The following CRIPT variants were observed in gnomAD, a reference collection of about 807,000 sequenced individuals.
CRIPT encodes the protein cysteine-rich PDZ-binding protein.
A neutral mutation model predicts 16.6 loss-of-function variants in CRIPT; 20 were observed. The ratio of observed to expected loss-of-function variants is 1.20; its 90% CI spans 0.85 to 1.75. CRIPT has a LOEUF of 1.75. Among genes scored for constraint, CRIPT ranks in the 40% most tolerant of loss-of-function variants. CRIPT has a pLI of 0.00. For synonymous variants in CRIPT, 42 were observed against 37.0 expected (o/e 1.14, Z -0.49); for missense variants, 133 against 115.3 (o/e 1.15, Z -0.70).
intron 3 of CRIPT, among the ~76,000 whole-genome samples, chr2:46,620,274 C>A (rs1415475043): frequency 6.6e-6 from 1 of 152,004 alleles, no homozygotes; most frequent in Admixed American, 6.6e-5. Flanking sequence ...CATGTGAAAC[C>A]CTGTCCTACA....
chr2:46,625,088 TTG>T lies in CRIPT; in HGVS notation c.*862_*863del. 6.7e-6 allele frequency: 1 copy of T among 150,062 alleles called. No individual in the cohort carries two copies. The highest frequency in any genetic ancestry group is 2.5e-5 in the African/African-American group (1 of 40,636). 9.3% of individuals were successfully genotyped at this position (150,062 alleles called of 1,614,324 possible). ...ATTTGTTTGTTTTTTTTTTTTTTTTTTGGATACAAGAGCTCACTCTGTTGCCC... is the reference window on the plus strand; with the variant it reads ...ATTTGTTTGTTTTTTTTTTTTTTTTTGATACAAGAGCTCACTCTGTTGCCC... On this transcript the variant is annotated 3_prime_UTR_variant, in exon 5 of 5. Coordinates refer to ENST00000238892, the MANE Select transcript of CRIPT (RefSeq NM_014171.6).
intron 1 of CRIPT, among the ~76,000 whole-genome samples, 162 bp downstream of exon 1, chr2:46,617,460 G>A (rs955549795): frequency 2.6e-5 from 4 of 151,996 alleles, no homozygotes; most frequent in Admixed American, 1.3e-4. Flanking sequence ...ACCTCCCAAC[G>A]ACCATACAGT....
chr2:46,622,371 A>C (rs1471882525), intron 3 of CRIPT, among the ~76,000 whole-genome samples: 2 of 138,646 alleles, frequency 1.4e-5, no homozygotes, highest in Non-Finnish European at 3.3e-5. Flanking sequence ...CTCCGTCTCA[A>C]AAAAAAAAAA....
rs963244778 is a variant in CRIPT, at chr2:46,628,397, A to C, written c.*4170A>C. ...AGTGCTGGGATTACAGGCGTGAGCC[A>C]CTGGACCCGGCAGGATTTTTCTAAT... On this transcript the variant is annotated 3_prime_UTR_variant, in exon 5 of 5. Coordinates refer to ENST00000238892, the MANE Select transcript of CRIPT (RefSeq NM_014171.6). 6.6e-6 allele frequency among the ~76,000 whole-genome samples: 1 copy of C among 152,234 alleles called. No homozygotes were observed. Among genetic ancestry groups the C allele is most frequent in the Non-Finnish European group, 1.5e-5 (1 of 68,044 alleles).
rs1670967463 is a variant in CRIPT, at chr2:46,627,475, C to CCA, written c.*3248_*3249insCA. Among the ~76,000 whole-genome samples the CCA allele has an allele frequency of 6.6e-6, 1 of 150,618 alleles. No homozygotes were observed. Among genetic ancestry groups the CCA allele is most frequent in the East Asian group, 1.9e-4 (1 of 5,154 alleles). On this transcript the variant is annotated 3_prime_UTR_variant, in exon 5 of 5. Coordinates refer to ENST00000238892, the MANE Select transcript of CRIPT (RefSeq NM_014171.6). ...TTTTTTTCCCCAAAGACAGAGTCTC[C>CCA]TTCTGTTGCCCAGGCTGGAGTACAG... is the stretch of plus-strand genomic sequence containing the variant.
Position 46,623,867 on chromosome 2 carries a change from G to A in CRIPT, c.241G>A (p.Gly81Ser). The A allele has an allele frequency of 6.3e-7, 1 of 1,590,858 alleles. No homozygotes were observed. The highest frequency in any genetic ancestry group is 8.6e-7 in the Non-Finnish European group (1 of 1,167,640). The change falls in exon 4 of 5, where the codon GGC (glycine) becomes AGC (serine). Residue 81 changes from glycine (G) to serine (S), a missense_variant and splice_region_variant. Coordinates refer to ENST00000238892, the MANE Select transcript of CRIPT (RefSeq NM_014171.6). ...CTGCCAGGGCTGTGCCTACAAAAAA[G>A]GTAAGTTTCTTTTAATACCGTTTTC... ...HYCQGCAYKK[G>S]ICAMCGKKVL...
intron 2 of CRIPT, 90 bp from the exon 3 acceptor site, chr2:46,619,536 AT>A (rs1320336268): frequency 1.3e-5 from 10 of 786,978 alleles, no homozygotes; most frequent in Non-Finnish European, 2.0e-5. Context: ...ATAGACTACT[AT>A]TTTGGTAGAA....
intron 3 of CRIPT, among the ~76,000 whole-genome samples, chr2:46,620,487 A>T (rs1021769975): frequency 1.3e-5 from 2 of 151,794 alleles, no homozygotes; most frequent in Non-Finnish European, 2.9e-5. Context: ...CTGCCATCTG[A>T]TTTCTTTGCT....
rs1671004809 is a variant in CRIPT, at chr2:46,628,783, C to G, written c.*4556C>G. On this transcript the variant is annotated 3_prime_UTR_variant, in exon 5 of 5. Coordinates refer to ENST00000238892, the MANE Select transcript of CRIPT (RefSeq NM_014171.6). ...TATTTACTAGATGAGGAGGAAAACC[C>G]TAAAACAAAACATGAACATAAAATA... Among the ~76,000 whole-genome samples, 1 of 151,664 alleles carries G rather than the reference C, an allele frequency of 6.6e-6. No individual in the cohort carries two copies. The highest frequency in any genetic ancestry group is 6.6e-5 in the Admixed American group (1 of 15,238).
At chr2:46,624,025 T>TTA (rs143495119) in intron 4 of CRIPT, 138 bp from the exon 5 acceptor site, 347 of 400,220 alleles carry the variant, frequency 8.7e-4, no homozygotes, top group Middle Eastern at 2.3e-3. Context: ...ATAATTAAAA[T>TTA]TATATATATA....
rs910264013 is a variant in CRIPT, at chr2:46,629,832, T to C, written c.*5605T>C. Among the ~76,000 whole-genome samples the C allele has an allele frequency of 3.3e-5, 5 of 152,252 alleles. No individual in the cohort carries two copies. Among genetic ancestry groups the C allele is most frequent in the Admixed American group, 6.5e-5 (1 of 15,290 alleles). Reference sequence around the variant, plus strand: ...TGTGAGGAGAAACTTTGAGACCTTGTTGACAATTCTGTTCCTCATCAAATC... The same window carrying C: ...TGTGAGGAGAAACTTTGAGACCTTGCTGACAATTCTGTTCCTCATCAAATC... On this transcript the variant is annotated 3_prime_UTR_variant, in exon 5 of 5. Transcript: ENST00000238892.
intron 4 of CRIPT, 122 bp from the exon 5 acceptor site, chr2:46,624,041 A>ATT (rs11333819): frequency 2.1e-5 from 8 of 374,806 alleles, no homozygotes; most frequent in South Asian, 1.2e-4. Flanking sequence ...ATATATATAT[A>ATT]TTTTTTTTTT....
In CRIPT at chr2:46,629,234, G is replaced by C. The variant is rs888936836; in HGVS notation, c.*5007G>C. On this transcript the variant is annotated 3_prime_UTR_variant, in exon 5 of 5. Transcript: ENST00000238892. Reference sequence around the variant, plus strand: ...GCCTTCGAATACCTTTTAACTCCCAGTTCCCTTAACTGGGGGTGTGTATCC... The same window carrying C: ...GCCTTCGAATACCTTTTAACTCCCACTTCCCTTAACTGGGGGTGTGTATCC... Among the ~76,000 whole-genome samples the C allele has an allele frequency of 6.6e-6, 1 of 152,110 alleles. No homozygotes were observed. The highest frequency in any genetic ancestry group is 1.5e-5 in the Non-Finnish European group (1 of 68,024).
Position 46,625,734 on chromosome 2 carries a change from C to G in CRIPT, c.*1507C>G, listed in dbSNP as rs1670923445. ...ATACAGAATATAATAAATAATTTATCTGAGAGCAGGAAGTATCCTCTCATG... is the reference window on the plus strand; with the variant it reads ...ATACAGAATATAATAAATAATTTATGTGAGAGCAGGAAGTATCCTCTCATG... On this transcript the variant is annotated 3_prime_UTR_variant, in exon 5 of 5. Transcript: ENST00000238892. 6.6e-6 allele frequency: 1 copy of G among 152,010 alleles called. No homozygotes were observed. The highest frequency in any genetic ancestry group is 2.1e-4 in the South Asian group (1 of 4,818). 9.4% of individuals were successfully genotyped at this position (152,010 alleles called of 1,614,324 possible). A position where few individuals can be genotyped will look rare whatever the true frequency, so the allele number is the denominator to read the frequency against.
In CRIPT at chr2:46,626,424, C is replaced by A. The variant is rs1380567868; in HGVS notation, c.*2197C>A. Among the ~76,000 whole-genome samples, 1 of 152,118 alleles carries A rather than the reference C, an allele frequency of 6.6e-6. No individual in the cohort carries two copies. Among genetic ancestry groups the A allele is most frequent in the Admixed American group, 6.6e-5 (1 of 15,250 alleles). ...GAGTGTATGTGTCTTTTTGGTAGAACAATTTATTTTCATTTGGATTTATAT... is the reference window on the plus strand; with the variant it reads ...GAGTGTATGTGTCTTTTTGGTAGAAAAATTTATTTTCATTTGGATTTATAT... On this transcript the variant is annotated 3_prime_UTR_variant, in exon 5 of 5. Coordinates refer to ENST00000238892, the MANE Select transcript of CRIPT (RefSeq NM_014171.6).
rs78613586 is a variant in CRIPT at position 46,625,013 on chromosome 2, C to T, written c.*786C>T. ...TTTTTTTTTTTTACCTCCTGTCTTGCCCCCTAAAAGAAATAAATAGAGCAA... is the reference window on the plus strand; with the variant it reads ...TTTTTTTTTTTTACCTCCTGTCTTGTCCCCTAAAAGAAATAAATAGAGCAA... On this transcript the variant is annotated 3_prime_UTR_variant, in exon 5 of 5. Coordinates refer to ENST00000238892, the MANE Select transcript of CRIPT (RefSeq NM_014171.6). 3.5e-3 allele frequency: 521 copies of T among 148,894 alleles called. 5 individuals are homozygous for T. Among genetic ancestry groups the T allele is most frequent in the African/African-American group, 0.012 (493 of 40,044 alleles). The allele number at this position is 148,894 out of a possible 1,614,324, so 9.2% of individuals were successfully genotyped here. A position where few individuals can be genotyped will look rare whatever the true frequency, so the allele number is the denominator to read the frequency against.
chr2:46,625,071 G>GTTTTT lies in CRIPT; in HGVS notation c.*858_*862dup, dbSNP rs879055294. The GTTTTT allele has an allele frequency of 5.0e-5, 4 of 80,246 alleles. No homozygotes were observed. The highest frequency in any genetic ancestry group is 6.3e-5 in the African/African-American group (1 of 15,958). 5.0% of individuals were successfully genotyped at this position (80,246 alleles called of 1,614,324 possible). ...GACTCTCCCTTTTTAAAATTTGTTT[G>GTTTTT]TTTTTTTTTTTTTTTTTTGGATACA... On this transcript the variant is annotated 3_prime_UTR_variant, in exon 5 of 5. Coordinates refer to ENST00000238892, the MANE Select transcript of CRIPT (RefSeq NM_014171.6).
intron 1 of CRIPT, among the ~76,000 whole-genome samples, chr2:46,617,656 C>T (rs1356407750): frequency 6.6e-6 from 1 of 152,180 alleles, no homozygotes; most frequent in Admixed American, 6.6e-5. Flanking sequence ...AAGTATTGTT[C>T]TCCTGCCAAA....
intron 2 of CRIPT, among the ~76,000 whole-genome samples, chr2:46,619,082 A>C (rs915749637): frequency 6.6e-6 from 1 of 152,206 alleles, no homozygotes; most frequent in Non-Finnish European, 1.5e-5. Context: ...GCAATATCAC[A>C]GTATTTGATT....
Sources: allele counts gnomAD v4.1 joint callset (sites outside exome capture counted in the v4.1 genomes callset), GRCh38; gene constraint gnomAD v4.1.1; transcripts MANE v1.5; gene names NCBI Gene and HGNC (gene_info 2026-07-23, HGNC 2026-07-21).